BLACAT1: variants seen among roughly 807,000 people sequenced by gnomAD.
BLACAT1 encodes bladder cancer associated transcript 1.
At chr1:205,455,736 G>A (rs1666555225) in intron 1 of BLACAT1, among the ~76,000 whole-genome samples, 181 bp downstream of exon 1, 1 of 152,062 alleles carries the variant, frequency 6.6e-6, no homozygotes, top group Admixed American at 6.5e-5. Context: ...GCCCGCCGCC[G>A]GTCAGCTTTC....
chr1:205,439,252 G>C (rs898449882), downstream of BLACAT1, among the ~76,000 whole-genome samples: 4 of 152,202 alleles, frequency 2.6e-5, no homozygotes, highest in African/African-American at 9.6e-5. Context: ...GCTGAATCTT[G>C]CTGTTCCCTT....
At chr1:205,446,218 C>T (rs1311404156) in intron 1 of BLACAT1, among the ~76,000 whole-genome samples, 3 of 152,196 alleles carry the variant, frequency 2.0e-5, no homozygotes, top group South Asian at 2.1e-4. Context: ...AGGCCTGTCC[C>T]ATTGGCAGTA....
downstream of BLACAT1, chr1:205,436,309 C>T (rs749685557): frequency 4.6e-5 from 7 of 152,224 alleles, no homozygotes; most frequent in East Asian, 1.9e-4. Context: ...CTCAGTATGA[C>T]GACTTCCTCC....
chr1:205,440,141 C>T (rs552927921), exon 2 of BLACAT1, among the ~76,000 whole-genome samples: 1 of 152,296 alleles, frequency 6.6e-6, no homozygotes, highest in African/African-American at 2.4e-5. Flanking sequence ...AAAGGGGTCC[C>T]TCAGTCTGGC....
At chr1:205,445,229 C>T (rs990892773) in intron 1 of BLACAT1, among the ~76,000 whole-genome samples, 1 of 152,188 alleles carries the variant, frequency 6.6e-6, no homozygotes, top group Non-Finnish European at 1.5e-5. Context: ...CCTCCTTCCC[C>T]ACCCCTTCCC....
At chr1:205,451,462 CTCTGATGAGAAGTGGAG>C (rs2102480114) in intron 1 of BLACAT1, among the ~76,000 whole-genome samples, 1 of 152,324 alleles carries the variant, frequency 6.6e-6, no homozygotes, top group East Asian at 1.9e-4. Context: ...ATTCTTGGGC[CTCTGATGAGAAGTGGAG>C]ACAGCCACCC....
At chr1:205,454,065 G>A (rs1437548723) in intron 1 of BLACAT1, among the ~76,000 whole-genome samples, 5 of 152,316 alleles carry the variant, frequency 3.3e-5, no homozygotes, top group East Asian at 3.9e-4. Flanking sequence ...CCTCTTGGAG[G>A]AGGAGGCAGA....
intron 1 of BLACAT1, among the ~76,000 whole-genome samples, chr1:205,455,003 T>C (rs1252395571): frequency 1.3e-5 from 2 of 152,206 alleles, no homozygotes; most frequent in Non-Finnish European, 2.9e-5. Flanking sequence ...GGGCTCTCCC[T>C]TGGGCCCCCA....
At chr1:205,440,495 G>A (rs772092319) in exon 2 of BLACAT1, 1 of 152,278 alleles carries the variant, frequency 6.6e-6, no homozygotes, top group Non-Finnish European at 1.5e-5. Flanking sequence ...GCTGCTGGAA[G>A]TTCTCTGCTA....
chr1:205,442,522 G>A (rs1214000865), intron 1 of BLACAT1, among the ~76,000 whole-genome samples: 1 of 152,166 alleles, frequency 6.6e-6, no homozygotes, highest in Non-Finnish European at 1.5e-5. Flanking sequence ...ACAGTGCCCG[G>A]TGGATCCAAG....
chr1:205,435,531 G>C (rs951939551), downstream of BLACAT1: 2 of 152,224 alleles, frequency 1.3e-5, no homozygotes, highest in Non-Finnish European at 2.9e-5. Context: ...CGGTTCTTTG[G>C]TGGAGGGACA....
chr1:205,450,884 T>C lies in BLACAT1; in HGVS notation c.-37+5033A>G, dbSNP rs1454511939. Among the ~76,000 whole-genome samples the C allele has an allele frequency of 6.6e-6, 1 of 152,116 alleles. No homozygotes were observed. The highest frequency in any genetic ancestry group is 1.5e-5 in the Non-Finnish European group (1 of 67,992). On this transcript the variant is annotated intron_variant, in intron 1 of 1. Coordinates refer to ENST00000629624, the Ensembl canonical transcript of BLACAT1. The surrounding 1 kb of genome is among the most constrained non-coding windows in gnomAD (Gnocchi z 4.4). ...GAAGCAGGTCAAGCCTCACCTCCTT[T>C]CCCGAGGAAAACCCTGCTTCCTCCA...
At chr1:205,453,652 A>G (rs950611088) in intron 1 of BLACAT1, among the ~76,000 whole-genome samples, 3 of 152,184 alleles carry the variant, frequency 2.0e-5, no homozygotes, top group African/African-American at 7.2e-5. Context: ...ACCCAGGGGC[A>G]GGAGAGCAAA....
chr1:205,445,118 TG>T (rs1438504336), intron 1 of BLACAT1, among the ~76,000 whole-genome samples: 3 of 152,028 alleles, frequency 2.0e-5, no homozygotes, highest in East Asian at 3.9e-4. Context: ...GCTCGGGCGG[TG>T]GAGCAGACAC....
Position 205,448,491 on chromosome 1 carries a change from C to A in BLACAT1, c.-37+7426G>T. 2.1e-6 allele frequency: 1 copy of A among 468,520 alleles called. No individual in the cohort carries two copies. The highest frequency in any genetic ancestry group is 4.3e-6 in the Non-Finnish European group (1 of 232,744). 29.0% of individuals were successfully genotyped at this position (468,520 alleles called of 1,614,324 possible). On this transcript the variant is annotated intron_variant, in intron 1 of 1. Transcript: ENST00000629624. The surrounding 1 kb of genome is among the most constrained non-coding windows in gnomAD (Gnocchi z 4.7). ...CCTTCTCAGCACCCCCGACCCCAGA[C>A]CCACCCACACTGCCTCCCTCCAGGA...
chr1:205,446,672 C>G (rs1276357440), intron 1 of BLACAT1, among the ~76,000 whole-genome samples: 2 of 152,116 alleles, frequency 1.3e-5, no homozygotes, highest in Admixed American at 1.3e-4. Flanking sequence ...TGGACAGCCT[C>G]AGAGCAGGGT....
chr1:205,455,064 TC>T (rs1004701252), intron 1 of BLACAT1, among the ~76,000 whole-genome samples: 2 of 152,068 alleles, frequency 1.3e-5, no homozygotes, highest in Non-Finnish European at 2.9e-5. Context: ...CAGCTCTTGT[TC>T]CCCGGGGGCA....
downstream of BLACAT1, chr1:205,436,452 G>A (rs1301697168): frequency 2.0e-5 from 3 of 152,230 alleles, no homozygotes; most frequent in African/African-American, 7.2e-5. Flanking sequence ...ATTTAGAGAA[G>A]CGAACCCAGG....
chr1:205,447,764 T>A (rs1022061375), intron 1 of BLACAT1, among the ~76,000 whole-genome samples: 49 of 144,724 alleles, frequency 3.4e-4, no homozygotes, highest in Non-Finnish European at 6.5e-4. Context: ...GGGGAGCGCC[T>A]GCCTTCCTAG....
Sources: gnomAD v4.1 joint callset for allele counts (sites outside exome capture counted in the v4.1 genomes callset) on GRCh38, gnomAD v4.1.1 for gene constraint, Gnocchi (gnomAD v3.1) non-coding constraint, MANE v1.5 for transcripts, NCBI Gene and HGNC (gene_info 2026-07-23, HGNC 2026-07-21) for gene names.